The following PPP1R1C variants were observed in gnomAD, a reference collection of about 807,000 sequenced individuals.
PPP1R1C encodes the protein protein phosphatase 1 regulatory subunit 1C.
PPP1R1C carries 15 observed loss-of-function variants against 17.4 expected under a neutral mutation model. The observed-to-expected ratio is 0.86, with a 90% confidence interval of 0.58 to 1.33. The LOEUF (loss-of-function observed/expected upper bound fraction) is 1.33, where lower values mean the gene tolerates loss of function less well. PPP1R1C is among the 40% of genes most tolerant of loss of function. The pLI is 0.00. For synonymous variants in PPP1R1C, 35 were observed against 43.1 expected, an observed-to-expected ratio of 0.81 and a Z score of 0.73; for missense variants, 143 against 130.0, an observed-to-expected ratio of 1.10 and a Z score of -0.48.
rs1684772760 is a variant in PPP1R1C at position 181,961,096 on chromosome 2, T to C, written n.111+6462T>C. 1 of 563,756 alleles carries C rather than the reference T, an allele frequency of 1.8e-6. No individual in the cohort carries two copies. The highest frequency in any genetic ancestry group is 1.9e-5 in the African/African-American group (1 of 53,130). 34.9% of individuals were successfully genotyped at this position (563,756 alleles called of 1,614,324 possible). ...GGCTGTAACAGGAGCGTGTGTCACA[T>C]CATCATAGCAGTTTTCTTGTCTTCC... On this transcript the variant is annotated intron_variant and non_coding_transcript_variant, in intron 1 of 5. Transcript: ENST00000464264. This position sits in a 1 kb window ranked among gnomAD's most constrained non-coding sequence, Gnocchi z 5.8.
chr2:182,102,947 C>T (rs951350208), intron 4 of PPP1R1C, among the ~76,000 whole-genome samples: 10 of 152,030 alleles, frequency 6.6e-5, no homozygotes, highest in South Asian at 4.1e-4. Context: ...GCTGAGACTA[C>T]AGGTACACAC....
chr2:182,119,383 T>C (rs1353014600), downstream of PPP1R1C, among the ~76,000 whole-genome samples: 1 of 152,212 alleles, frequency 6.6e-6, no homozygotes, highest in African/African-American at 2.4e-5. Flanking sequence ...CGTGTGTCTT[T>C]ATAGCAGCAT....
chr2:182,049,379 A>C (rs1687442129), intron 2 of PPP1R1C, among the ~76,000 whole-genome samples: 1 of 151,966 alleles, frequency 6.6e-6, no homozygotes, highest in African/African-American at 2.4e-5. Context: ...AAAAAGAGGA[A>C]CATAAATTGT....
chr2:181,964,367 T>C (rs1047759405), intron 1 of PPP1R1C, among the ~76,000 whole-genome samples: 1 of 152,242 alleles, frequency 6.6e-6, no homozygotes, highest in Admixed American at 6.5e-5. Flanking sequence ...CATTGGTTTG[T>C]TGATGGACAC....
chr2:181,959,598 T>TCCAGCAAAATATGTGG (rs1684729951), intron 1 of PPP1R1C, among the ~76,000 whole-genome samples: 1 of 152,210 alleles, frequency 6.6e-6, no homozygotes, highest in African/African-American at 2.4e-5. Flanking sequence ...GGGAATATTT[T>TCCAGCAAAATATGTGG]GACATCTGTA....
At chr2:181,958,332 C>T (rs1010041870) in intron 1 of PPP1R1C, among the ~76,000 whole-genome samples, 4 of 152,214 alleles carry the variant, frequency 2.6e-5, no homozygotes, top group African/African-American at 9.7e-5. Context: ...GCCATAAACT[C>T]CCTGGCACTT....
chr2:182,007,366 T>C (rs1161007415), intron 2 of PPP1R1C, among the ~76,000 whole-genome samples: 1 of 152,230 alleles, frequency 6.6e-6, no homozygotes, highest in African/African-American at 2.4e-5. Context: ...AACATACTAC[T>C]AATTCTATAG....
At position 182,037,186 on chromosome 2, in the gene PPP1R1C, G is replaced by A. The variant is rs571459227; in HGVS notation, c.143-24256G>A. 1.2e-3 allele frequency among the ~76,000 whole-genome samples: 181 copies of A among 152,292 alleles called. 1 individual carries two copies. The highest frequency in any genetic ancestry group is 4.2e-3 in the African/African-American group (173 of 41,564). ...TTAAAAACAAAAACAAACAAAAAAG[G>A]CAGAGGTTGTTGACTCATATTTCTT... is the stretch of plus-strand genomic sequence containing the variant. On this transcript the variant is annotated intron_variant, in intron 2 of 4. Coordinates refer to ENST00000682840, the MANE Select transcript of PPP1R1C (RefSeq NM_001080545.3).
At chr2:182,069,610 A>G (rs1688084897) in intron 4 of PPP1R1C, among the ~76,000 whole-genome samples, 1 of 152,210 alleles carries the variant, frequency 6.6e-6, no homozygotes. Flanking sequence ...CAAATTTAAA[A>G]CAGAGTCCAG....
rs544713753 is a variant in PPP1R1C at position 182,066,950 on chromosome 2, G to A, written c.241+3159G>A. ...ATTTCTATCCCAATTTTGTGTGTGT[G>A]TCTGTGTGTGTGTGTGTTTGTGTGT... is the stretch of plus-strand genomic sequence containing the variant. On this transcript the variant is annotated intron_variant, in intron 4 of 4. Transcript: ENST00000682840. 4.1e-5 allele frequency among the ~76,000 whole-genome samples: 3 copies of A among 72,480 alleles called. No individual in the cohort carries two copies. The East Asian group carries it at 1.0e-3, about 25-fold the overall frequency. The allele number at this position is 72,480 out of a possible 152,430, so 47.5% of individuals were successfully genotyped here.
chr2:181,977,066 G>A (rs915169865), intron 2 of PPP1R1C, among the ~76,000 whole-genome samples: 6 of 144,594 alleles, frequency 4.1e-5, no homozygotes, highest in African/African-American at 1.5e-4. Context: ...GAACCCAGGT[G>A]GAGGTTGCAG....
At position 182,008,451 on chromosome 2, in the gene PPP1R1C, A is replaced by G. The variant is rs77792437; in HGVS notation, c.142+20552A>G. The stretch of plus-strand genomic sequence containing the variant: ...TGATGTGAGATAGATGTGGGTTTAT[A>G]TCTCAGTTTTACCACTTAGCCATCG... On this transcript the variant is annotated intron_variant, in intron 2 of 4. Coordinates refer to ENST00000682840, the MANE Select transcript of PPP1R1C (RefSeq NM_001080545.3). Among the ~76,000 whole-genome samples the G allele has an allele frequency of 3.6e-3, 554 of 152,338 alleles. 2 individuals carry two copies. Among genetic ancestry groups the G allele is most frequent in the African/African-American group, 0.013 (536 of 41,580 alleles).
chr2:181,992,496 C>T lies in PPP1R1C; in HGVS notation c.142+4597C>T, dbSNP rs527585690. On this transcript the variant is annotated intron_variant, in intron 2 of 4. Coordinates refer to ENST00000682840, the MANE Select transcript of PPP1R1C (RefSeq NM_001080545.3). ...TCTGAATATTAAAGTTTGTGGCATC[C>T]ATTGTTTTCCATTTACCGTTAAGCA... is the stretch of plus-strand genomic sequence containing the variant. Among the ~76,000 whole-genome samples, 4 of 133,742 alleles carry T rather than the reference C, an allele frequency of 3.0e-5. 1 individual carries two copies. The highest frequency in any genetic ancestry group is 5.0e-4 in the South Asian group (2 of 3,968). The allele number at this position is 133,742 out of a possible 152,430, so 87.7% of individuals were successfully genotyped here. A position where few individuals can be genotyped will look rare whatever the true frequency, so the allele number is the denominator to read the frequency against.
At chr2:181,990,106 T>C (rs190275458) in intron 2 of PPP1R1C, among the ~76,000 whole-genome samples, 1 of 151,884 alleles carries the variant, frequency 6.6e-6, no homozygotes, top group Admixed American at 6.6e-5. Flanking sequence ...AGCCATGTGA[T>C]GTGATCTTGG....
chr2:181,983,654 G>A (rs1685235418), upstream of PPP1R1C, among the ~76,000 whole-genome samples: 1 of 152,206 alleles, frequency 6.6e-6, no homozygotes, highest in East Asian at 1.9e-4. Flanking sequence ...ATAGCAAAAG[G>A]CCTGGTGTGG....
At chr2:182,022,305 G>A (rs1490695409) in intron 2 of PPP1R1C, among the ~76,000 whole-genome samples, 2 of 152,126 alleles carry the variant, frequency 1.3e-5, no homozygotes, top group Non-Finnish European at 2.9e-5. Context: ...AGGCTCTGGG[G>A]GGAAATCAGA....
intron 2 of PPP1R1C, among the ~76,000 whole-genome samples, chr2:182,051,256 C>T (rs1407060651): frequency 2.0e-5 from 3 of 152,122 alleles, no homozygotes; most frequent in African/African-American, 7.2e-5. Flanking sequence ...AGAAGAAAAA[C>T]TTAAATGCTG....
rs550985936 is a variant in PPP1R1C, at chr2:182,126,037, A to T, written c.*7-2937A>T. On this transcript the variant is annotated intron_variant, in intron 5 of 5. Coordinates refer to the PPP1R1C transcript ENST00000280295. ...AATTTTAGATCTTTCCCACTTTCTA[A>T]TGTGGGCATTTAGGGAAGCACTGGT... Among the ~76,000 whole-genome samples, 11 of 152,058 alleles carry T rather than the reference A, an allele frequency of 7.2e-5. No homozygotes were observed. In the East Asian group the frequency reaches 2.1e-3, roughly 29 times the overall value.
chr2:182,119,552 T>A (rs1444704226), downstream of PPP1R1C, among the ~76,000 whole-genome samples: 1 of 152,156 alleles, frequency 6.6e-6, no homozygotes, highest in Non-Finnish European at 1.5e-5. Context: ...TTTCTCCACA[T>A]CCTCTCCAGC....
Sources: allele counts gnomAD v4.1 joint callset (sites outside exome capture counted in the v4.1 genomes callset), GRCh38; gene constraint gnomAD v4.1.1; non-coding constraint Gnocchi (gnomAD v3.1); transcripts MANE v1.5; gene names NCBI Gene and HGNC (gene_info 2026-07-23, HGNC 2026-07-21).